The following ZC4H2 variants were observed in gnomAD, a reference collection of about 807,000 sequenced individuals.
ZC4H2 encodes zinc finger C4H2 domain-containing protein.
For missense variants in ZC4H2, 137 were observed against 173.9 expected, an observed-to-expected ratio of 0.79 and a Z score of 1.19; for synonymous variants, 84 against 66.3, an observed-to-expected ratio of 1.27 and a Z score of -1.30.
chrX:64,946,460 G>A (rs1930537902), intron 1 of ZC4H2, among the ~76,000 whole-genome samples: 1 of 109,741 alleles, frequency 9.1e-6, no homozygotes, highest in Non-Finnish European at 1.9e-5. Context: ...AGAGGAACCG[G>A]GTACCTCAGT....
intron 1 of ZC4H2, among the ~76,000 whole-genome samples, chrX:65,009,074 A>T (rs753495790): frequency 5.0e-4 from 56 of 112,129 alleles, no homozygotes; most frequent in Non-Finnish European, 9.8e-4. Flanking sequence ...CATCATATGT[A>T]CTCCATAAAT....
chrX:64,969,376 A>G (rs2085733194), intron 1 of ZC4H2, among the ~76,000 whole-genome samples: 1 of 112,073 alleles, frequency 8.9e-6, no homozygotes, highest in Non-Finnish European at 1.9e-5. Flanking sequence ...GAGGTGACTC[A>G]GCCCCAATGC....
At chrX:65,017,010 T>C (rs1038098242) in intron 1 of ZC4H2, among the ~76,000 whole-genome samples, 1 of 111,999 alleles carries the variant, frequency 8.9e-6, no homozygotes, top group Non-Finnish European at 1.9e-5. Context: ...TTCTGATCTG[T>C]TGGTTTGATG....
At chrX:64,980,557 C>A (rs377398057), upstream of ZC4H2, among the ~76,000 whole-genome samples, 3 of 112,191 alleles carry the variant, frequency 2.7e-5, no homozygotes, top group African/African-American at 9.7e-5. Context: ...ACATGCCAGG[C>A]ACTCTCCTAG....
At chrX:65,022,672 A>C (rs1468006273) in intron 1 of ZC4H2, among the ~76,000 whole-genome samples, 1 of 112,032 alleles carries the variant, frequency 8.9e-6, no homozygotes, top group Non-Finnish European at 1.9e-5. Context: ...CAGAAAGCCA[A>C]ATCATGAGTG....
chrX:65,000,433 C>T (rs1276394065), intron 1 of ZC4H2, among the ~76,000 whole-genome samples: 2 of 111,913 alleles, frequency 1.8e-5, no homozygotes, highest in African/African-American at 6.5e-5. Flanking sequence ...ATCAGAAGGT[C>T]ACCAACATCA....
intron 1 of ZC4H2, among the ~76,000 whole-genome samples, chrX:64,948,396 C>T (rs923085477): frequency 9.0e-6 from 1 of 111,535 alleles, no homozygotes; most frequent in Non-Finnish European, 1.9e-5. Context: ...AGGATTTTTA[C>T]GTTCTACCCC....
At chrX:65,028,568 G>A (rs1004466759) in intron 1 of ZC4H2, among the ~76,000 whole-genome samples, 1 of 108,160 alleles carries the variant, frequency 9.2e-6, no homozygotes, top group African/African-American at 3.4e-5. Context: ...GTCTTGCTCT[G>A]TAGCCCGGGC....
intron 1 of ZC4H2, among the ~76,000 whole-genome samples, chrX:64,941,398 T>C (rs1930275812): frequency 8.9e-6 from 1 of 112,064 alleles, no homozygotes; most frequent in Non-Finnish European, 1.9e-5. Context: ...TTCTCTTGCC[T>C]GATTGCCCTG....
At chrX:64,978,291 C>T (rs1338002031), upstream of ZC4H2, among the ~76,000 whole-genome samples, 1 of 112,129 alleles carries the variant, frequency 8.9e-6, no homozygotes, top group Non-Finnish European at 1.9e-5. Flanking sequence ...AAGCCCTTCT[C>T]TTCTTTGGAT....
intron 1 of ZC4H2, among the ~76,000 whole-genome samples, chrX:64,938,675 T>C (rs1179076430): frequency 9.0e-6 from 1 of 111,525 alleles, no homozygotes; most frequent in Non-Finnish European, 1.9e-5. Flanking sequence ...ACATAACCAA[T>C]GACAAAAAAG....
chrX:64,951,335 C>G (rs1198787083), intron 1 of ZC4H2, among the ~76,000 whole-genome samples: 1 of 111,818 alleles, frequency 8.9e-6, no homozygotes, highest in African/African-American at 3.3e-5. Flanking sequence ...ATGGCTGGGT[C>G]AAATGGTATT....
intron 1 of ZC4H2, among the ~76,000 whole-genome samples, chrX:64,936,566 G>A (rs769753903): frequency 8.9e-6 from 1 of 112,198 alleles, no homozygotes; most frequent in South Asian, 3.7e-4. Flanking sequence ...CAGACTAACA[G>A]CAGATCTCTC....
At chrX:65,026,376 T>TATGGGAGAGCTAAGCA (rs1932878687) in intron 1 of ZC4H2, among the ~76,000 whole-genome samples, 1 of 111,838 alleles carries the variant, frequency 8.9e-6, no homozygotes, top group Non-Finnish European at 1.9e-5. Context: ...GAGAGCAGAA[T>TATGGGAGAGCTAAGCA]GTTTGTACAG....
chrX:64,989,518 T>C (rs907024173), intron 1 of ZC4H2, among the ~76,000 whole-genome samples: 2 of 111,731 alleles, frequency 1.8e-5, no homozygotes, highest in Non-Finnish European at 3.8e-5. Flanking sequence ...AAAAGCATAA[T>C]CCATAAAAGG....
chrX:64,975,328 TACCACC>T (rs996030765), intron 1 of ZC4H2, among the ~76,000 whole-genome samples: 19 of 111,707 alleles, frequency 1.7e-4, no homozygotes, highest in African/African-American at 5.9e-4. Context: ...GTGCTTTACC[TACCACC>T]ACTAATCACC....
At chrX:64,940,662 C>T (rs1344735723) in intron 1 of ZC4H2, among the ~76,000 whole-genome samples, 1 of 111,437 alleles carries the variant, frequency 9.0e-6, no homozygotes, top group Non-Finnish European at 1.9e-5. Flanking sequence ...GGAATCCTTT[C>T]CCCATTGCTT....
intron 1 of ZC4H2, among the ~76,000 whole-genome samples, chrX:64,940,031 T>C (rs183136465): frequency 1.6e-4 from 18 of 110,864 alleles, no homozygotes; most frequent in Non-Finnish European, 3.0e-4. Context: ...GCAATTATTA[T>C]AAAAGCTTCC....
At position 64,922,256 on chromosome X, in the gene ZC4H2, A is replaced by C. The variant is rs185292166; in HGVS notation, c.54-268T>G. 1.4e-3 allele frequency: 437 copies of C among 306,538 alleles called. 6 individuals are homozygous for C. The East Asian group carries it at 0.024, about 17-fold the overall frequency. 25.3% of individuals were successfully genotyped at this position (306,538 alleles called of 1,213,427 possible). A position where few individuals can be genotyped will look rare whatever the true frequency, so the allele number is the denominator to read the frequency against. ...TGAGACCTTATATCTACAAAAAAAA[A>C]AAAGAAAAAGAAAAAAGAAAAAAAA... On this transcript the variant is annotated intron_variant, in intron 1 of 4. Transcript: ENST00000374839.
Sources: gnomAD v4.1 joint callset for allele counts (sites outside exome capture counted in the v4.1 genomes callset) on GRCh38, gnomAD v4.1.1 for gene constraint, MANE v1.5 for transcripts, NCBI Gene and HGNC (gene_info 2026-07-23, HGNC 2026-07-21) for gene names.